The following ATXN10 variants were observed in gnomAD, a reference collection of about 807,000 sequenced individuals.
The protein encoded by ATXN10 is ataxin-10.
In ATXN10, 28 loss-of-function variants were observed where a neutral mutation model predicts 52.9. That is an observed-to-expected ratio of 0.53 (90% CI 0.39 to 0.73). The LOEUF is 0.73. Ranked by LOEUF, ATXN10 falls within the 30% of genes least tolerant of loss-of-function variation. The pLI is 0.00. For missense variants in ATXN10, 565 were observed against 577.0 expected (o/e 0.98, Z 0.21); for synonymous variants, 226 against 221.5 (o/e 1.02, Z -0.18).
chr22:45,746,762 C>T (rs1925744562), intron 9 of ATXN10, among the ~76,000 whole-genome samples: 1 of 152,152 alleles, frequency 6.6e-6, no homozygotes, highest in Non-Finnish European at 1.5e-5. Context: ...TTCTACGCTC[C>T]TCACTATACT....
intron 7 of ATXN10, among the ~76,000 whole-genome samples, chr22:45,737,106 A>ATTTTC (rs1925326655): frequency 6.6e-6 from 1 of 151,996 alleles, no homozygotes; most frequent in Non-Finnish European, 1.5e-5. Context: ...GTTTTGTTTT[A>ATTTTC]TTTTCATTAT....
At position 45,844,572 on chromosome 22, in the gene ATXN10, T is replaced by C. The variant is rs529721823; in HGVS notation, c.*901T>C. On this transcript the variant is annotated 3_prime_UTR_variant, in exon 12 of 12. Transcript: ENST00000252934. Reference sequence around the variant, plus strand: ...CAGGAGTTTATTTGACATCTAGTTATCTGTCTGTCTGTTCATCTATCTATC... The same window carrying C: ...CAGGAGTTTATTTGACATCTAGTTACCTGTCTGTCTGTTCATCTATCTATC... 2.0e-5 allele frequency: 3 copies of C among 152,356 alleles called. No individual in the cohort carries two copies. The highest frequency in any genetic ancestry group is 7.2e-5 in the African/African-American group (3 of 41,590). The allele number at this position is 152,356 out of a possible 1,614,324, so 9.4% of individuals were successfully genotyped here. A position where few individuals can be genotyped will look rare whatever the true frequency, so the allele number is the denominator to read the frequency against.
At chr22:45,697,802 T>C (rs1287004819) in intron 3 of ATXN10, among the ~76,000 whole-genome samples, 1 of 152,040 alleles carries the variant, frequency 6.6e-6, no homozygotes, top group African/African-American at 2.4e-5. Context: ...AGCTAATTTT[T>C]TGTATTTTTA....
intron 9 of ATXN10, among the ~76,000 whole-genome samples, chr22:45,796,130 A>G (rs541729461): frequency 1.3e-5 from 2 of 152,334 alleles, no homozygotes; most frequent in Non-Finnish European, 2.9e-5. Context: ...AAACGAATGC[A>G]TTCCCAGGGG....
intron 9 of ATXN10, among the ~76,000 whole-genome samples, chr22:45,788,001 C>A (rs1951788334): frequency 6.6e-6 from 1 of 152,036 alleles, no homozygotes; most frequent in South Asian, 2.1e-4. Flanking sequence ...GGTGCTGATC[C>A]CAAGGTTATA....
intron 3 of ATXN10, among the ~76,000 whole-genome samples, chr22:45,693,526 C>T (rs1923467439): frequency 6.6e-6 from 1 of 152,136 alleles, no homozygotes; most frequent in Non-Finnish European, 1.5e-5. Context: ...TTTATAAGGG[C>T]ACTAATCCCA....
intron 6 of ATXN10, among the ~76,000 whole-genome samples, chr22:45,726,353 G>A (rs1924870516): frequency 6.6e-6 from 1 of 152,134 alleles, no homozygotes; most frequent in Non-Finnish European, 1.5e-5. Context: ...TTACTGGTCT[G>A]TTCAGACCTC....
rs761484357 is a variant in ATXN10 at position 45,693,042 on chromosome 22, C to T, written c.355C>T (p.Arg119Cys). Residue 119 changes from arginine (R) to cysteine (C), a missense_variant, in exon 3 of 12, where the codon CGT becomes TGT. Arg to Cys is a radical substitution (Grantham distance 180). Transcript: ENST00000252934. Reference sequence around the variant, plus strand: ...TGCTGTTGATTTGATTCTTCTGTTTCGTGAACTGCGAGTGGAACAGGAATC... The same window carrying T: ...TGCTGTTGATTTGATTCTTCTGTTTTGTGAACTGCGAGTGGAACAGGAATC... ...GVAVDLILLF[R>C]ELRVEQESLL... is the part of the protein sequence containing the mutation. The T allele has an allele frequency of 7.4e-6, 12 of 1,613,926 alleles. No individual in the cohort carries two copies. In the East Asian group the frequency reaches 1.3e-4, roughly 18 times the overall value.
intron 9 of ATXN10, among the ~76,000 whole-genome samples, chr22:45,794,247 T>C (rs1016338518): frequency 6.6e-6 from 1 of 152,186 alleles, no homozygotes; most frequent in East Asian, 1.9e-4. Flanking sequence ...CTCCAGGACA[T>C]GGGCAGTAGC....
At chr22:45,827,838 C>T (rs2055112073) in intron 10 of ATXN10, among the ~76,000 whole-genome samples, 1 of 152,144 alleles carries the variant, frequency 6.6e-6, no homozygotes, top group Admixed American at 6.5e-5. Context: ...TTCTCAAGTG[C>T]ACAGAAGACA....
intron 9 of ATXN10, among the ~76,000 whole-genome samples, chr22:45,799,560 A>G (rs1276578723): frequency 6.6e-6 from 1 of 152,220 alleles, no homozygotes; most frequent in Non-Finnish European, 1.5e-5. Flanking sequence ...CAAGGACACC[A>G]AAGTTTGCCA....
chr22:45,761,170 G>A (rs186935568), intron 9 of ATXN10, among the ~76,000 whole-genome samples: 1 of 152,188 alleles, frequency 6.6e-6, no homozygotes, highest in East Asian at 1.9e-4. Flanking sequence ...CGCCAGGTTG[G>A]AATGCAGTGG....
At chr22:45,800,010 G>A (rs1454271316) in intron 9 of ATXN10, among the ~76,000 whole-genome samples, 2 of 152,046 alleles carry the variant, frequency 1.3e-5, no homozygotes, top group African/African-American at 4.8e-5. Flanking sequence ...ATTTAAAATA[G>A]CCACATAAAA....
At chr22:45,726,780 G>A (rs1924888526) in intron 6 of ATXN10, among the ~76,000 whole-genome samples, 1 of 152,088 alleles carries the variant, frequency 6.6e-6, no homozygotes, top group East Asian at 1.9e-4. Flanking sequence ...TTCCTGGGCT[G>A]AAGTGATCCT....
At chr22:45,682,465 A>G (rs1420760932) in intron 1 of ATXN10, among the ~76,000 whole-genome samples, 2 of 151,196 alleles carry the variant, frequency 1.3e-5, no homozygotes, top group East Asian at 3.9e-4. Flanking sequence ...CCACCACCAC[A>G]CCCGGCTATT....
rs139767945 is a variant in ATXN10 at position 45,767,870 on chromosome 22, C to T, written c.1173+27332C>T. Among the ~76,000 whole-genome samples, 848 of 152,150 alleles carry T rather than the reference C, an allele frequency of 5.6e-3. 4 individuals are homozygous for T. Among genetic ancestry groups the T allele is most frequent in the African/African-American group, 0.019 (808 of 41,516 alleles). On this transcript the variant is annotated intron_variant, in intron 9 of 11. Transcript: ENST00000252934. ...ATAAACTGCATTCTGTTAGTAGCAA[C>T]GTTGGTATTGTTACTCTGAAATACT...
intron 10 of ATXN10, among the ~76,000 whole-genome samples, chr22:45,815,687 C>G (rs1050947908): frequency 1.2e-4 from 18 of 148,862 alleles, no homozygotes; most frequent in Non-Finnish European, 8.9e-5. Context: ...AGTGAGAAAA[C>G]TAAAGCTCTT....
chr22:45,721,830 A>G (rs1244030139), intron 6 of ATXN10, among the ~76,000 whole-genome samples: 1 of 152,108 alleles, frequency 6.6e-6, no homozygotes, highest in Non-Finnish European at 1.5e-5. Context: ...CAGGAGAATC[A>G]CTTTAACTTG....
chr22:45,701,635 C>A lies in ATXN10; in HGVS notation c.489-1054C>A, dbSNP rs535879536. On this transcript the variant is annotated intron_variant, in intron 4 of 11. Transcript: ENST00000252934. The surrounding 1 kb of genome is among the most constrained non-coding windows in gnomAD (Gnocchi z 4.2). Reference sequence around the variant, plus strand: ...TTTTTGAGAATTCATTCCCTTAAAACGTTTTGGATACCTAATATCTGCCAG... The same window carrying A: ...TTTTTGAGAATTCATTCCCTTAAAAAGTTTTGGATACCTAATATCTGCCAG... Among the ~76,000 whole-genome samples the A allele has an allele frequency of 3.3e-5, 5 of 152,284 alleles. 1 individual carries two copies. The South Asian group carries it at 1.0e-3, about 32-fold the overall frequency.
Sources: allele counts gnomAD v4.1 joint callset (sites outside exome capture counted in the v4.1 genomes callset), GRCh38; gene constraint gnomAD v4.1.1; non-coding constraint Gnocchi (gnomAD v3.1); transcripts MANE v1.5; gene names NCBI Gene and HGNC (gene_info 2026-07-23, HGNC 2026-07-21).